The following MICALL2 variants were observed in gnomAD, a reference collection of about 807,000 sequenced individuals.
MICALL2 encodes the protein MICAL-like protein 2.
In MICALL2, 111 loss-of-function variants were observed where a neutral mutation model predicts 91.1. That is an observed-to-expected ratio of 1.22 (90% CI 1.04 to 1.43). MICALL2 has a LOEUF of 1.43. MICALL2 is among the 40% of genes most tolerant of loss of function. The pLI, the probability that MICALL2 is intolerant of heterozygous loss-of-function variation, is 0.00. For synonymous variants in MICALL2, 694 were observed against 525.3 expected, an observed-to-expected ratio of 1.32 and a Z score of -4.39; for missense variants, 1,556 against 1,236.0, an observed-to-expected ratio of 1.26 and a Z score of -3.88.
chr7:1,439,052 G>A (rs1780131928), intron 9 of MICALL2, 57 bp from the exon 10 acceptor site: 4 of 1,406,842 alleles, frequency 2.8e-6, no homozygotes, highest in Non-Finnish European at 3.9e-6. Flanking sequence ...TGGGAGCCTG[G>A]GGTCTGTCCC....
At chr7:1,442,507 C>CA in intron 6 of MICALL2, 23 bp from the exon 7 acceptor site, 1 of 1,517,290 alleles carries the variant, frequency 6.6e-7, no homozygotes, top group Non-Finnish European at 8.8e-7. Flanking sequence ...GCGCAGGCAT[C>CA]AGGCACAGCT....
chr7:1,444,799 G>C lies in MICALL2; in HGVS notation c.1271C>G (p.Ser424Ter). The C allele has an allele frequency of 6.2e-7, 1 of 1,611,388 alleles. No individual in the cohort carries two copies. Among genetic ancestry groups the C allele is most frequent in the South Asian group, 1.1e-5 (1 of 91,026 alleles). ...AAGGCTGGTGCCGGGGGGCACTGCTGATGTTTGGAAAAACTTATTCCGGGC... is the reference window on the plus strand; with the variant it reads ...AAGGCTGGTGCCGGGGGGCACTGCTCATGTTTGGAAAAACTTATTCCGGGC... ...QQARNKFFQT[S>*]AVPPGTSLSG... Residue 424 changes from serine (S) to a stop codon, truncating the protein, a stop_gained, in exon 6 of 17, where the codon TCA (serine) becomes TGA (stop). Coordinates refer to ENST00000297508, the MANE Select transcript of MICALL2 (RefSeq NM_182924.4). LOFTEE classifies it high-confidence loss of function.
Position 1,444,662 on chromosome 7 carries a change from C to T in MICALL2, c.1408G>A (p.Ala470Thr). ...TCCCCACGCGCTCACCTGCCAGGCG[C>T]CGGAGCGCCAGCCTCTTCCAGCGCT... ...LSALEEAGAP[A>T]PGRPSPATAA... Residue 470 changes from alanine (A) to threonine (T), a missense_variant, in exon 6 of 17, where the codon GCG becomes ACG. Transcript: ENST00000297508. 1 of 1,610,294 alleles carries T rather than the reference C, an allele frequency of 6.2e-7. No homozygotes were observed. Among genetic ancestry groups the T allele is most frequent in the Non-Finnish European group, 8.5e-7 (1 of 1,179,626 alleles).
At chr7:1,441,046 C>T (rs1218029453) in intron 7 of MICALL2, 6 of 315,922 alleles carry the variant, frequency 1.9e-5, no homozygotes, top group Admixed American at 4.1e-5. Flanking sequence ...TTCTTGGCTC[C>T]TGGGTCCTGC....
chr7:1,455,538 C>T (rs147737249), intron 1 of MICALL2, among the ~76,000 whole-genome samples: 4 of 147,508 alleles, frequency 2.7e-5, no homozygotes, highest in African/African-American at 4.9e-5. Context: ...CGGAGATTCA[C>T]GGACACCTCT....
At chr7:1,435,985 G>A (rs1404667088) in intron 15 of MICALL2, among the ~76,000 whole-genome samples, 3 of 148,682 alleles carry the variant, frequency 2.0e-5, no homozygotes, top group African/African-American at 7.7e-5. Flanking sequence ...CCTGGAGGCA[G>A]AGCTTGCAGT....
At chr7:1,439,380 G>C (rs1168141715) in intron 9 of MICALL2, 1 of 240,646 alleles carries the variant, frequency 4.2e-6, no homozygotes, top group Non-Finnish European at 7.9e-6. Flanking sequence ...CCACACATGG[G>C]TACATGCACC....
At chr7:1,435,248 C>A in intron 15 of MICALL2, 101 bp from the exon 16 acceptor site, 1 of 1,206,302 alleles carries the variant, frequency 8.3e-7, no homozygotes, top group Non-Finnish European at 1.2e-6. Flanking sequence ...GCCCTGAGTC[C>A]CGCCTGGACC....
rs753161273 is a variant in MICALL2, at chr7:1,436,822, C to T, written c.2511G>A (p.Glu837=). 1.2e-6 allele frequency: 2 copies of T among 1,604,624 alleles called. No individual in the cohort carries two copies. The highest frequency in any genetic ancestry group is 8.5e-7 in the Non-Finnish European group (1 of 1,177,182). Residue 837 remains glutamate, a synonymous_variant, in exon 15 of 17, where the codon GAG becomes GAA. Transcript: ENST00000297508. ...ALKSLQERRR[E]QELLEQYVST... ...TCACGTACTGCTCCAGCAGCTCCTG[C>T]TCCCGCCGCCGCTCCTGCAGTGACT...
chr7:1,443,928 G>T (rs1780433020), intron 6 of MICALL2, among the ~76,000 whole-genome samples: 1 of 152,156 alleles, frequency 6.6e-6, no homozygotes. Context: ...CCAGGCACAG[G>T]CAGGCGCCGG....
intron 1 of MICALL2, among the ~76,000 whole-genome samples, chr7:1,457,256 C>T (rs2128526852): frequency 6.6e-6 from 1 of 152,348 alleles, no homozygotes; most frequent in South Asian, 2.1e-4. Flanking sequence ...ATCTACCGAG[C>T]CCAGTTCCAG....
intron 6 of MICALL2, among the ~76,000 whole-genome samples, chr7:1,444,429 C>T (rs1426352928): frequency 6.6e-6 from 1 of 152,212 alleles, no homozygotes; most frequent in Non-Finnish European, 1.5e-5. Flanking sequence ...ATGCGGACAG[C>T]AGCTTTTCCA....
At position 1,451,889 on chromosome 7, in the gene MICALL2, CA is replaced by C. The variant is rs1562467114; in HGVS notation, c.144-1602del. Among the ~76,000 whole-genome samples, 2 of 152,216 alleles carry C rather than the reference CA, an allele frequency of 1.3e-5. No homozygotes were observed. The highest frequency in any genetic ancestry group is 2.9e-5 in the Non-Finnish European group (2 of 68,040). On this transcript the variant is annotated intron_variant, in intron 1 of 16. Coordinates refer to ENST00000297508, the MANE Select transcript of MICALL2 (RefSeq NM_182924.4). This position sits in a 1 kb window ranked among gnomAD's most constrained non-coding sequence, Gnocchi z 4.5. ...ACAGCCCTTGCCAGGCCCTGACCCCCATAAGAATGCTCCGAGGCCCGGACAG... is the reference window on the plus strand; with the variant it reads ...ACAGCCCTTGCCAGGCCCTGACCCCCTAAGAATGCTCCGAGGCCCGGACAG...
intron 15 of MICALL2, among the ~76,000 whole-genome samples, chr7:1,436,373 ACTT>A (rs1467850987): frequency 6.7e-6 from 1 of 150,140 alleles, no homozygotes; most frequent in Admixed American, 6.6e-5. Context: ...CAGGAGGGAA[ACTT>A]CGTCTCAAAA....
At position 1,442,486 on chromosome 7, in the gene MICALL2, T is replaced by C. The variant is rs1335021448; in HGVS notation, c.1419-2A>G. On this transcript the variant is annotated splice_acceptor_variant, in intron 6 of 16. Transcript: ENST00000297508. LOFTEE classifies it high-confidence loss of function. ...ACAGCGGCAGTGGCTGGGGAGGGCCTATAAGTAAAAGCGCAGGCATCAGGC... is the reference window on the plus strand; with the variant it reads ...ACAGCGGCAGTGGCTGGGGAGGGCCCATAAGTAAAAGCGCAGGCATCAGGC... 9 of 1,525,086 alleles carry C rather than the reference T, an allele frequency of 5.9e-6. No individual in the cohort carries two copies. Among genetic ancestry groups the C allele is most frequent in the South Asian group, 1.3e-5 (1 of 76,786 alleles). 94.5% of individuals were successfully genotyped at this position (1,525,086 alleles called of 1,614,324 possible). A position where few individuals can be genotyped will look rare whatever the true frequency, so the allele number is the denominator to read the frequency against.
chr7:1,448,693 C>A lies in MICALL2; in HGVS notation c.261G>T (p.Leu87Phe). The A allele has an allele frequency of 6.2e-7, 1 of 1,612,790 alleles. No individual in the cohort carries two copies. The highest frequency in any genetic ancestry group is 8.5e-7 in the Non-Finnish European group (1 of 1,179,928). Reference protein sequence around the residue: ...ALLDAEDMVALKVPDRLSILT... With the variant: ...ALLDAEDMVAFKVPDRLSILT... ...AGATGCTCAGCCGGTCAGGCACCTT[C>A]AAGGCCACCATGTCCTCGGCATCCA... is the stretch of plus-strand genomic sequence containing the variant. The change falls in exon 3 of 17, where the codon TTG becomes TTT. Residue 87 changes from leucine (L) to phenylalanine (F), a missense_variant. Coordinates refer to ENST00000297508, the MANE Select transcript of MICALL2 (RefSeq NM_182924.4).
intron 7 of MICALL2, 117 bp downstream of exon 7, chr7:1,442,075 C>T (rs945377728): frequency 4.7e-5 from 55 of 1,179,434 alleles, no homozygotes; most frequent in East Asian, 1.6e-4. Flanking sequence ...AGAGATGAGA[C>T]GGAGAGGAAG....
intron 1 of MICALL2, among the ~76,000 whole-genome samples, chr7:1,457,247 T>A (rs1390567310): frequency 1.3e-5 from 2 of 152,212 alleles, no homozygotes; most frequent in Non-Finnish European, 2.9e-5. Flanking sequence ...TGTGCTGGTA[T>A]CTACCGAGCC....
intron 10 of MICALL2, 125 bp from the exon 11 acceptor site, chr7:1,438,478 C>T: frequency 3.4e-6 from 5 of 1,482,756 alleles, no homozygotes; most frequent in Non-Finnish European, 4.5e-6. Context: ...TCCCTAATGC[C>T]CCACACGCCC....
Sources: gnomAD v4.1 joint callset for allele counts (sites outside exome capture counted in the v4.1 genomes callset) on GRCh38, gnomAD v4.1.1 for gene constraint, Gnocchi (gnomAD v3.1) non-coding constraint, MANE v1.5 for transcripts, NCBI Gene and HGNC (gene_info 2026-07-23, HGNC 2026-07-21) for gene names.